The following GRIK2 variants were observed in gnomAD, a reference collection of about 807,000 sequenced individuals.
The protein encoded by GRIK2 is glutamate ionotropic receptor kainate type subunit 2.
In GRIK2, 32 loss-of-function variants were observed where a neutral mutation model predicts 100.3. That is an observed-to-expected ratio of 0.32 (90% confidence interval 0.24 to 0.43). The LOEUF is 0.43. Ranked by LOEUF, GRIK2 falls within the 20% of genes least tolerant of loss-of-function variation. The pLI is 1.00. For missense variants in GRIK2, 843 were observed against 1,114.9 expected, an observed-to-expected ratio of 0.76 and a Z score of 3.47; for synonymous variants, 417 against 389.4, an observed-to-expected ratio of 1.07 and a Z score of -0.83.
At chr6:101,480,047 A>G (rs1001374484) in intron 2 of GRIK2, among the ~76,000 whole-genome samples, 11 of 152,290 alleles carry the variant, frequency 7.2e-5, no homozygotes, top group African/African-American at 2.6e-4. Flanking sequence ...ACTGCATGGT[A>G]GTCCAATTCC....
At position 101,617,631 on chromosome 6, in the gene GRIK2, T is replaced by A. The variant is rs187167867; in HGVS notation, c.116-4318T>A. On this transcript the variant is annotated intron_variant, in intron 2 of 16. Coordinates refer to ENST00000369134, the MANE Select transcript of GRIK2 (RefSeq NM_021956.5). ...TTTGTCTTTTTCATTTTAGCCATGCTGGTGTATATAAAATTGTTTCAAATT... is the reference window on the plus strand; with the variant it reads ...TTTGTCTTTTTCATTTTAGCCATGCAGGTGTATATAAAATTGTTTCAAATT... Among the ~76,000 whole-genome samples, 31 of 151,976 alleles carry A rather than the reference T, an allele frequency of 2.0e-4. No homozygotes were observed. The East Asian group carries it at 5.8e-3, about 28-fold the overall frequency.
At chr6:101,507,899 T>C (rs1351206396) in intron 2 of GRIK2, among the ~76,000 whole-genome samples, 1 of 152,212 alleles carries the variant, frequency 6.6e-6, no homozygotes, top group Non-Finnish European at 1.5e-5. Context: ...GTTATCATTA[T>C]ATTTCATAGC....
intron 5 of GRIK2, among the ~76,000 whole-genome samples, chr6:101,678,015 C>T (rs1221078840): frequency 1.3e-5 from 2 of 152,042 alleles, no homozygotes; most frequent in Non-Finnish European, 2.9e-5. Flanking sequence ...CTACTGAACT[C>T]TAGAGTCAAG....
chr6:101,690,036 G>A lies in GRIK2; in HGVS notation c.951+3683G>A, dbSNP rs189013654. Among the ~76,000 whole-genome samples, 52 of 152,146 alleles carry A rather than the reference G, an allele frequency of 3.4e-4. No individual in the cohort carries two copies. In the East Asian group the frequency reaches 9.7e-3, roughly 28 times the overall value. On this transcript the variant is annotated intron_variant, in intron 7 of 16. Transcript: ENST00000369134. ...TTTGAACCAGTGCCAATCAGAGCCC[G>A]ACAATGGTGATACTTGTTATTGATT...
chr6:101,762,317 G>T (rs1007350481), intron 7 of GRIK2, among the ~76,000 whole-genome samples: 1 of 151,992 alleles, frequency 6.6e-6, no homozygotes, highest in Non-Finnish European at 1.5e-5. Context: ...TGGGACTACA[G>T]GTGGGCATCA....
intron 2 of GRIK2, among the ~76,000 whole-genome samples, chr6:101,474,398 T>C (rs1440239202): frequency 6.6e-6 from 1 of 151,892 alleles, no homozygotes; most frequent in East Asian, 1.9e-4. Flanking sequence ...AGGATCAAGA[T>C]GGCCAAAATA....
At chr6:101,531,736 C>T (rs557607832) in intron 2 of GRIK2, among the ~76,000 whole-genome samples, 1 of 151,952 alleles carries the variant, frequency 6.6e-6, no homozygotes, top group East Asian at 1.9e-4. Context: ...CTCCCTAAGC[C>T]CTATCTTGGT....
intron 14 of GRIK2, among the ~76,000 whole-genome samples, chr6:101,942,437 A>G (rs958350645): frequency 3.3e-5 from 5 of 152,216 alleles, no homozygotes; most frequent in Non-Finnish European, 5.9e-5. Context: ...GGCTCAGAAG[A>G]AGACAGGAAT....
At chr6:102,039,603 C>T (rs368141582) in intron 15 of GRIK2, among the ~76,000 whole-genome samples, 78 of 151,568 alleles carry the variant, frequency 5.1e-4, no homozygotes, top group Middle Eastern at 3.4e-3. Flanking sequence ...ATTTCTCCTC[C>T]TTAATAGCAT....
At chr6:101,411,607 G>A (rs545232921) in intron 2 of GRIK2, among the ~76,000 whole-genome samples, 21 of 152,134 alleles carry the variant, frequency 1.4e-4, no homozygotes, top group African/African-American at 4.8e-4. Context: ...ATAATGAGCA[G>A]CGGCATCAGC....
At chr6:101,789,508 A>G (rs1779681266) in intron 7 of GRIK2, among the ~76,000 whole-genome samples, 1 of 152,160 alleles carries the variant, frequency 6.6e-6, no homozygotes, top group African/African-American at 2.4e-5. Flanking sequence ...CAAAGATCAG[A>G]TAGTTGTAGA....
At chr6:101,980,010 G>T (rs1277584881) in intron 14 of GRIK2, among the ~76,000 whole-genome samples, 3 of 151,950 alleles carry the variant, frequency 2.0e-5, no homozygotes, top group Admixed American at 1.3e-4. Context: ...GCTTAGATTT[G>T]CTTCAGTTGT....
intron 7 of GRIK2, among the ~76,000 whole-genome samples, chr6:101,759,869 TTA>T (rs1340876753): frequency 6.4e-5 from 9 of 141,284 alleles, no homozygotes; most frequent in African/African-American, 2.4e-4. Context: ...ATTTTTTTAT[TTA>T]TTTTTATTTT....
At chr6:102,060,678 C>T (rs900810261) in intron 16 of GRIK2, among the ~76,000 whole-genome samples, 4 of 150,466 alleles carry the variant, frequency 2.7e-5, no homozygotes, top group Admixed American at 1.3e-4. Flanking sequence ...CCAGTAATGC[C>T]TTTTTAGAAA....
chr6:101,585,424 A>C (rs895019337), intron 2 of GRIK2, among the ~76,000 whole-genome samples: 1 of 152,112 alleles, frequency 6.6e-6, no homozygotes, highest in Admixed American at 6.6e-5. Flanking sequence ...TTCAACAAAT[A>C]GTGGCTACAG....
At chr6:101,498,811 TG>T (rs1215590330) in intron 2 of GRIK2, among the ~76,000 whole-genome samples, 1 of 152,216 alleles carries the variant, frequency 6.6e-6, no homozygotes, top group African/African-American at 2.4e-5. Context: ...TCTCCCATTT[TG>T]TAGGTTGCCT....
chr6:101,790,396 A>T (rs1779757046), intron 7 of GRIK2, among the ~76,000 whole-genome samples: 1 of 152,168 alleles, frequency 6.6e-6, no homozygotes, highest in African/African-American at 2.4e-5. Flanking sequence ...TTCCTAATTT[A>T]TTGAGAATTT....
chr6:101,591,879 C>T (rs150001727), intron 2 of GRIK2, among the ~76,000 whole-genome samples: 14 of 152,038 alleles, frequency 9.2e-5, no homozygotes, highest in African/African-American at 3.1e-4. Flanking sequence ...GGATGTGTGT[C>T]CCCTCTAAAT....
intron 14 of GRIK2, among the ~76,000 whole-genome samples, chr6:102,004,480 A>G (rs989179411): frequency 3.9e-5 from 6 of 151,970 alleles, no homozygotes; most frequent in Non-Finnish European, 1.5e-5. Context: ...ACCTCCTTAT[A>G]TTAAAATATA....
Sources: allele counts gnomAD v4.1 joint callset (sites outside exome capture counted in the v4.1 genomes callset), GRCh38; gene constraint gnomAD v4.1.1; transcripts MANE v1.5; gene names NCBI Gene and HGNC (gene_info 2026-07-23, HGNC 2026-07-21).